Variants in FRMPD4 observed in about 807,000 individuals in gnomAD.
FRMPD4 encodes the protein FERM and PDZ domain containing 4.
Under a neutral mutation model 94.1 loss-of-function variants are expected in FRMPD4, and 22 were observed. The observed-to-expected ratio is 0.23, with a 90% CI of 0.17 to 0.33. The LOEUF is 0.33. FRMPD4 is among the 10% of genes least tolerant of loss of function. The probability of loss-of-function intolerance (pLI) is 1.00; values close to 1 mark genes in which losing one functional copy is unlikely to be tolerated. For missense variants in FRMPD4, 1,111 were observed against 1,339.9 expected (o/e 0.83, Z 2.67); for synonymous variants, 631 against 548.6 (o/e 1.15, Z -2.10).
chrX:12,318,268 A>G (rs1780727838), intron 1 of FRMPD4, among the ~76,000 whole-genome samples: 1 of 112,615 alleles, frequency 8.9e-6, no homozygotes, highest in Admixed American at 9.4e-5. Context: ...GCTCACATCT[A>G]TAATCCCAGC....
At chrX:12,511,472 C>G (rs1251539206) in intron 2 of FRMPD4, among the ~76,000 whole-genome samples, 1 of 110,209 alleles carries the variant, frequency 9.1e-6, no homozygotes, top group African/African-American at 3.3e-5. Flanking sequence ...CAAACAAATT[C>G]TGGAAGTGAA....
intron 1 of FRMPD4, among the ~76,000 whole-genome samples, chrX:12,167,625 T>C (rs2056143695): frequency 9.0e-6 from 1 of 111,550 alleles, no homozygotes; most frequent in Non-Finnish European, 1.9e-5. Flanking sequence ...GTCATGGAAG[T>C]TGTGCCTGTG....
chrX:12,367,503 G>A (rs1000824275), intron 1 of FRMPD4, among the ~76,000 whole-genome samples: 2 of 112,411 alleles, frequency 1.8e-5, no homozygotes, highest in Non-Finnish European at 3.8e-5. Flanking sequence ...ACTTTGACAA[G>A]GATTTATGGA....
At chrX:11,978,393 C>T (rs1349346566) in intron 3 of FRMPD4, among the ~76,000 whole-genome samples, 1 of 106,967 alleles carries the variant, frequency 9.3e-6, no homozygotes, top group Non-Finnish European at 1.9e-5. Context: ...GTTGGGGGGC[C>T]TTAGAATTTT....
chrX:12,187,417 T>A (rs2056437526), intron 1 of FRMPD4, among the ~76,000 whole-genome samples: 1 of 112,176 alleles, frequency 8.9e-6, no homozygotes, highest in Non-Finnish European at 1.9e-5. Flanking sequence ...GTTGCCACAG[T>A]GACTTGATAA....
At chrX:12,106,272 CT>C (rs940878011) in intron 3 of FRMPD4, among the ~76,000 whole-genome samples, 3 of 112,169 alleles carry the variant, frequency 2.7e-5, no homozygotes, top group African/African-American at 9.7e-5. Flanking sequence ...AACAATGCCA[CT>C]TGGACATTGC....
chrX:12,483,045 C>A (rs183484739), intron 1 of FRMPD4, among the ~76,000 whole-genome samples: 199 of 112,539 alleles, frequency 1.8e-3, no homozygotes, highest in African/African-American at 6.2e-3. Context: ...CAAGCTGAAA[C>A]ACTCTAAGGT....
At chrX:12,667,908 A>G (rs1161089158) in intron 4 of FRMPD4, among the ~76,000 whole-genome samples, 1 of 112,240 alleles carries the variant, frequency 8.9e-6, no homozygotes, top group African/African-American at 3.2e-5. Flanking sequence ...CAGGGATGAA[A>G]ATGATGTTTT....
At chrX:11,885,627 A>G (rs1474067689) in intron 3 of FRMPD4, among the ~76,000 whole-genome samples, 1 of 111,476 alleles carries the variant, frequency 9.0e-6, no homozygotes, top group Admixed American at 9.5e-5. Context: ...CCTACCACCA[A>G]TAAAATTAGG....
chrX:12,127,675 C>A (rs749801431), intron 3 of FRMPD4, among the ~76,000 whole-genome samples: 2 of 112,058 alleles, frequency 1.8e-5, no homozygotes, highest in African/African-American at 3.2e-5. Flanking sequence ...TGTCTTAGCC[C>A]ATTCCAGCAT....
intron 3 of FRMPD4, among the ~76,000 whole-genome samples, chrX:12,613,074 T>C (rs1451092807): frequency 1.8e-5 from 2 of 112,083 alleles, no homozygotes; most frequent in Non-Finnish European, 3.8e-5. Context: ...AATGAAGTAA[T>C]AGCAATAATA....
intron 1 of FRMPD4, among the ~76,000 whole-genome samples, chrX:12,408,090 C>T (rs934826698): frequency 9.3e-6 from 1 of 107,832 alleles, no homozygotes; most frequent in African/African-American, 3.4e-5. Context: ...GTCTGTGTCT[C>T]GAGTGGTGGC....
At chrX:11,948,290 G>A in intron 3 of FRMPD4, among the ~76,000 whole-genome samples, 1 of 110,173 alleles carries the variant, frequency 9.1e-6, no homozygotes, top group Non-Finnish European at 1.9e-5. Context: ...GAGGTGTTTG[G>A]GAGTTAATTA....
At chrX:12,580,816 G>GTA (rs2058857605) in intron 2 of FRMPD4, among the ~76,000 whole-genome samples, 1 of 112,167 alleles carries the variant, frequency 8.9e-6, no homozygotes, top group African/African-American at 3.2e-5. Flanking sequence ...TGGGTGTGTA[G>GTA]TATATATAGT....
At chrX:12,441,201 A>G (rs757876711) in intron 1 of FRMPD4, among the ~76,000 whole-genome samples, 11 of 112,064 alleles carry the variant, frequency 9.8e-5, no homozygotes, top group Non-Finnish European at 1.9e-4. Flanking sequence ...ACTACAGAGC[A>G]TAATTTGGAA....
intron 3 of FRMPD4, among the ~76,000 whole-genome samples, chrX:12,044,958 T>C (rs1190060998): frequency 8.9e-6 from 1 of 112,268 alleles, no homozygotes; most frequent in African/African-American, 3.2e-5. Flanking sequence ...TGTGCTAAAC[T>C]AGGGATTGGC....
chrX:12,146,487 C>T (rs1026181882), intron 1 of FRMPD4, among the ~76,000 whole-genome samples: 1 of 111,734 alleles, frequency 8.9e-6, no homozygotes, highest in Non-Finnish European at 1.9e-5. Context: ...CAGAGACACA[C>T]ACACACACAC....
At position 12,431,266 on chromosome X, in the gene FRMPD4, T is replaced by A. The variant is rs757027031; in HGVS notation, c.42-67414T>A. On this transcript the variant is annotated intron_variant, in intron 1 of 16. Transcript: ENST00000675598. The stretch of plus-strand genomic sequence containing the variant: ...GCAATGCATCCCCTATGAATATCTA[T>A]GGATCGTGAGACCAGTGTCAAAGGG... Among the ~76,000 whole-genome samples the A allele has an allele frequency of 2.7e-5, 3 of 112,596 alleles. No individual in the cohort carries two copies. The East Asian group carries it at 8.3e-4, about 31-fold the overall frequency.
Position 12,512,781 on chromosome X carries a change from T to A in FRMPD4, c.158+13985T>A, listed in dbSNP as rs189952807. ...TCAAATGGTATTTCTGGTTTTAAGT[T>A]TTTGACTAATTGCCCCACTGTCTTC... On this transcript the variant is annotated intron_variant, in intron 2 of 16. Transcript: ENST00000675598. Among the ~76,000 whole-genome samples, 10 of 112,490 alleles carry A rather than the reference T, an allele frequency of 8.9e-5. No individual in the cohort carries two copies. The East Asian group carries it at 2.8e-3, about 31-fold the overall frequency.
Sources: gnomAD v4.1 joint callset for allele counts (sites outside exome capture counted in the v4.1 genomes callset) on GRCh38, gnomAD v4.1.1 for gene constraint, MANE v1.5 for transcripts, NCBI Gene and HGNC (gene_info 2026-07-23, HGNC 2026-07-21) for gene names.